Variants in SPATA9 observed in about 807,000 individuals in gnomAD.
SPATA9 encodes the protein spermatogenesis associated 9, also known as spermatogenesis-associated protein 9.
SPATA9 carries 27 observed loss-of-function variants against 25.5 expected under a neutral mutation model. The observed-to-expected ratio is 1.06, with a 90% CI of 0.78 to 1.46. The LOEUF is 1.46. Among genes scored for constraint, SPATA9 ranks in the 40% most tolerant of loss-of-function variants. The pLI, the probability that SPATA9 is intolerant of heterozygous loss-of-function variation, is 0.00. For synonymous variants in SPATA9, 102 were observed against 105.7 expected, an observed-to-expected ratio of 0.97 and a Z score of 0.21; for missense variants, 282 against 297.5, an observed-to-expected ratio of 0.95 and a Z score of 0.38.
chr5:95,719,012 A>G, the SPATA9 span, among the ~76,000 whole-genome samples: 1 of 152,160 alleles, frequency 6.6e-6, no homozygotes, highest in African/African-American at 2.4e-5. Context: ...TGCCCATGGT[A>G]AGGAGGTATA....
chr5:95,719,648 T>C, the SPATA9 span: 1 of 152,238 alleles, frequency 6.6e-6, no homozygotes, highest in Non-Finnish European at 1.5e-5. Context: ...GCATACCTGT[T>C]CAGAGAGTTA....
At chr5:95,672,400 G>A (rs1752478162) in intron 3 of SPATA9, among the ~76,000 whole-genome samples, 1 of 151,018 alleles carries the variant, frequency 6.6e-6, no homozygotes, top group Non-Finnish European at 1.5e-5. Flanking sequence ...GGAACCCCTG[G>A]AGCAACAAGC....
In SPATA9 at chr5:95,658,497, A is replaced by G. The variant is rs1750927145; in HGVS notation, c.*126T>C. Reference sequence around the variant, plus strand: ...TACTAGAAAATGACATTTTAATAGTAGCCCCCTTCTCTTTTTTTTAAGAAA... The same window carrying G: ...TACTAGAAAATGACATTTTAATAGTGGCCCCCTTCTCTTTTTTTTAAGAAA... On this transcript the variant is annotated 3_prime_UTR_variant, in exon 5 of 5. Coordinates refer to ENST00000274432, the MANE Select transcript of SPATA9 (RefSeq NM_031952.4). The G allele has an allele frequency of 4.7e-6, 3 of 635,720 alleles. 1 individual carries two copies. The highest frequency in any genetic ancestry group is 5.7e-5 in the Admixed American group (1 of 17,604). The allele number at this position is 635,720 out of a possible 1,614,324, so 39.4% of individuals were successfully genotyped here. A position where few individuals can be genotyped will look rare whatever the true frequency, so the allele number is the denominator to read the frequency against.
intron 3 of SPATA9, among the ~76,000 whole-genome samples, chr5:95,667,237 C>T (rs1212056183): frequency 1.4e-5 from 2 of 147,688 alleles, no homozygotes; most frequent in Non-Finnish European, 3.0e-5. Context: ...AAAATGCCCA[C>T]TGCAATTTCC....
At chr5:95,726,504 A>G in the SPATA9 span, among the ~76,000 whole-genome samples, 2 of 152,266 alleles carry the variant, frequency 1.3e-5, no homozygotes, top group Non-Finnish European at 1.5e-5. Context: ...TCTATTAACT[A>G]TAATATGCAC....
chr5:95,674,616 T>C, intron 3 of SPATA9: 1 of 278,386 alleles, frequency 3.6e-6, no homozygotes, highest in Non-Finnish European at 7.2e-6. Context: ...AATAATGGAG[T>C]CAAGACAGAA....
At chr5:95,703,618 G>C (rs1754226503), upstream of SPATA9, among the ~76,000 whole-genome samples, 2 of 151,444 alleles carry the variant, frequency 1.3e-5, no homozygotes. Context: ...TGGGCAATCA[G>C]AGTGAGAGCC....
At chr5:95,685,824 T>C (rs1358511347), upstream of SPATA9, among the ~76,000 whole-genome samples, 1 of 152,136 alleles carries the variant, frequency 6.6e-6, no homozygotes, top group Admixed American at 6.5e-5. Flanking sequence ...TCCTCAATGA[T>C]AGTTTTTTCG....
chr5:95,676,271 A>G (rs2548124), intron 2 of SPATA9, among the ~76,000 whole-genome samples: 57,381 of 151,952 alleles, frequency 0.38, 11,020 homozygotes, highest in Non-Finnish European at 0.41. Context: ...TTTTAATTTA[A>G]ATAGGTTTTT....
chr5:95,667,782 A>T (rs905558407), intron 3 of SPATA9, among the ~76,000 whole-genome samples: 2 of 152,160 alleles, frequency 1.3e-5, no homozygotes, highest in Non-Finnish European at 2.9e-5. Context: ...GTTGAAAGGT[A>T]ATCCCAAATA....
chr5:95,657,829 C>T (rs1750853606), downstream of SPATA9: 1 of 152,156 alleles, frequency 6.6e-6, no homozygotes, highest in African/African-American at 2.4e-5. Flanking sequence ...CAGGAAGGTA[C>T]ATCCCAGTCT....
the SPATA9 span, among the ~76,000 whole-genome samples, chr5:95,730,358 A>C: frequency 6.6e-6 from 1 of 152,348 alleles, no homozygotes; most frequent in East Asian, 1.9e-4. Flanking sequence ...ACTGGTTAGA[A>C]TTTTAATACT....
intron 3 of SPATA9, among the ~76,000 whole-genome samples, chr5:95,664,397 T>C (rs1409658622): frequency 6.6e-6 from 1 of 152,242 alleles, no homozygotes; most frequent in African/African-American, 2.4e-5. Flanking sequence ...TCTTTACTAA[T>C]TATTCACAAC....
At chr5:95,731,099 T>C in the SPATA9 span, 1 of 1,109,820 alleles carries the variant, frequency 9.0e-7, no homozygotes, top group Non-Finnish European at 1.1e-6. Flanking sequence ...GGCTGGGAGC[T>C]CTCGGGCTGG....
At chr5:95,689,641 G>A (rs1362535068) in intron 1 of SPATA9, among the ~76,000 whole-genome samples, 1 of 152,048 alleles carries the variant, frequency 6.6e-6, no homozygotes, top group African/African-American at 2.4e-5. Context: ...TTTTCTTATA[G>A]TGCAGGACAA....
At chr5:95,669,187 C>G (rs1162785993) in intron 3 of SPATA9, among the ~76,000 whole-genome samples, 1 of 152,190 alleles carries the variant, frequency 6.6e-6, no homozygotes. Context: ...AGCTTTTAAT[C>G]CGGTGGTCCT....
chr5:95,683,114 T>C (rs931985235), upstream of SPATA9: 2 of 777,502 alleles, frequency 2.6e-6, no homozygotes, highest in East Asian at 3.7e-5. Flanking sequence ...AGTGAGGGGA[T>C]TGAATAATAA....
the SPATA9 span, among the ~76,000 whole-genome samples, chr5:95,705,215 C>G: frequency 6.6e-6 from 1 of 152,072 alleles, no homozygotes; most frequent in Non-Finnish European, 1.5e-5. Context: ...GATTTGCCCA[C>G]CTCAGCCTCC....
intron 3 of SPATA9, among the ~76,000 whole-genome samples, chr5:95,673,645 C>A (rs1385376990): frequency 6.6e-6 from 1 of 152,054 alleles, no homozygotes; most frequent in African/African-American, 2.4e-5. Flanking sequence ...AACATGAAGT[C>A]AAAACATTAG....
Sources: allele counts gnomAD v4.1 joint callset (sites outside exome capture counted in the v4.1 genomes callset), GRCh38; gene constraint gnomAD v4.1.1; transcripts MANE v1.5; gene names NCBI Gene and HGNC (gene_info 2026-07-23, HGNC 2026-07-21).